Variants in MPZL1 observed in about 807,000 individuals in gnomAD.
MPZL1 encodes the protein myelin protein zero like 1.
MPZL1 carries 16 observed loss-of-function variants against 29.3 expected under a neutral mutation model. That is an observed-to-expected ratio of 0.55 (90% CI 0.37 to 0.83). The LOEUF (loss-of-function observed/expected upper bound fraction) is 0.83, where lower values mean the gene tolerates loss of function less well. Among genes scored for constraint, MPZL1 ranks in the 40% least tolerant of loss-of-function variants. The probability of loss-of-function intolerance (pLI) is 0.00; values close to 1 mark genes in which losing one functional copy is unlikely to be tolerated. For missense variants in MPZL1, 279 were observed against 332.9 expected (o/e 0.84, Z 1.26); for synonymous variants, 143 against 132.0 (o/e 1.08, Z -0.57).
rs11807657 is a variant in MPZL1, at chr1:167,790,182, C to G, written c.*2261C>G. The G allele has an allele frequency of 0.18, 27,710 of 152,358 alleles. 2,616 individuals carry two copies. The highest frequency in any genetic ancestry group is 0.22 in the Middle Eastern group (66 of 294). The allele number at this position is 152,358 out of a possible 1,614,324, so 9.4% of individuals were successfully genotyped here. On this transcript the variant is annotated 3_prime_UTR_variant, in exon 6 of 6. Coordinates refer to ENST00000359523, the MANE Select transcript of MPZL1 (RefSeq NM_003953.6). ...TCCCTGAGAGCAAGAGCCTTCACTT[C>G]TTCTTGCGGTGCCGGGACCATGTGT...
At chr1:167,737,727 A>G (rs1660404069) in intron 1 of MPZL1, among the ~76,000 whole-genome samples, 1 of 152,142 alleles carries the variant, frequency 6.6e-6, no homozygotes, top group Admixed American at 6.5e-5. Context: ...TAGTTACATT[A>G]CCTCTTCACT....
chr1:167,750,112 T>C (rs1660725444), intron 1 of MPZL1, among the ~76,000 whole-genome samples: 1 of 152,248 alleles, frequency 6.6e-6, no homozygotes, highest in South Asian at 2.1e-4. Flanking sequence ...ATATAATTTC[T>C]CATTTACAGA....
intron 1 of MPZL1, among the ~76,000 whole-genome samples, chr1:167,748,721 G>A (rs1451099201): frequency 6.6e-6 from 1 of 151,770 alleles, no homozygotes; most frequent in Admixed American, 6.6e-5. Flanking sequence ...TTACTCCTAT[G>A]TTTTTTTCTA....
rs565797598 is a variant in MPZL1, at chr1:167,744,536, T to C, written c.92-21047T>C. Among the ~76,000 whole-genome samples the C allele has an allele frequency of 2.0e-5, 3 of 151,802 alleles. No homozygotes were observed. In the East Asian group the frequency reaches 5.8e-4, roughly 29 times the overall value. ...CTGTCTCTACTAAAAATACAAAAAT[T>C]AGTGGGCCATGGTCGTGTGCGTCTA... On this transcript the variant is annotated intron_variant, in intron 1 of 5. Coordinates refer to ENST00000359523, the MANE Select transcript of MPZL1 (RefSeq NM_003953.6).
Position 167,791,314 on chromosome 1 carries a change from T to C in MPZL1, c.*3393T>C, listed in dbSNP as rs1661710500. ...ATGGATGAGTAGGTGGAAGCATTCA[T>C]CCATTCAGCAACCTACACTGAGAAC... On this transcript the variant is annotated 3_prime_UTR_variant, in exon 6 of 6. Coordinates refer to ENST00000359523, the MANE Select transcript of MPZL1 (RefSeq NM_003953.6). 6.6e-6 allele frequency: 1 copy of C among 152,208 alleles called. No homozygotes were observed. The highest frequency in any genetic ancestry group is 2.1e-4 in the South Asian group (1 of 4,822). 9.4% of individuals were successfully genotyped at this position (152,208 alleles called of 1,614,324 possible).
chr1:167,734,505 G>T (rs115652944), intron 1 of MPZL1, among the ~76,000 whole-genome samples: 1 of 152,042 alleles, frequency 6.6e-6, no homozygotes, highest in Admixed American at 6.6e-5. Flanking sequence ...CCAACTTGAC[G>T]TTCCCTCCAC....
intron 2 of MPZL1, among the ~76,000 whole-genome samples, chr1:167,769,050 G>A (rs1661186208): frequency 6.6e-6 from 1 of 152,208 alleles, no homozygotes; most frequent in Non-Finnish European, 1.5e-5. Flanking sequence ...TCAGAGCTGA[G>A]TTTGAATTCC....
At chr1:167,774,359 T>C (rs1460761978) in intron 4 of MPZL1, among the ~76,000 whole-genome samples, 1 of 152,180 alleles carries the variant, frequency 6.6e-6, no homozygotes, top group Non-Finnish European at 1.5e-5. Context: ...TGTGAAAGGA[T>C]TGCATGTCCT....
At chr1:167,783,624 G>T (rs1249994225) in intron 5 of MPZL1, among the ~76,000 whole-genome samples, 4 of 152,144 alleles carry the variant, frequency 2.6e-5, no homozygotes, top group African/African-American at 9.7e-5. Context: ...TTCTTCTGTT[G>T]TCTCTATTTT....
intron 1 of MPZL1, among the ~76,000 whole-genome samples, chr1:167,740,203 T>C (rs1205221740): frequency 6.6e-6 from 1 of 152,202 alleles, no homozygotes. Flanking sequence ...GAATTTCTAA[T>C]CTTAAAAACC....
rs1355723347 is a variant in MPZL1, at chr1:167,722,181, G to A, written c.30G>A (p.Val10=). The change falls in exon 1 of 6, where the codon GTG becomes GTA. Residue 10 remains valine (V), a synonymous_variant. Transcript: ENST00000359523. MAASAGAGA[V]IAAPDSRRWL... ...CAGCGTCCGCCGGAGCCGGGGCGGT[G>A]ATTGCAGCCCCAGACAGCCGGCGCT... The A allele has an allele frequency of 7.3e-6, 9 of 1,238,036 alleles. No homozygotes were observed. The highest frequency in any genetic ancestry group is 9.1e-6 in the Non-Finnish European group (9 of 988,372). The allele number at this position is 1,238,036 out of a possible 1,614,324, so 76.7% of individuals were successfully genotyped here. A position where few individuals can be genotyped will look rare whatever the true frequency, so the allele number is the denominator to read the frequency against.
At chr1:167,771,720 G>T (rs940459873) in intron 2 of MPZL1, among the ~76,000 whole-genome samples, 3 of 152,146 alleles carry the variant, frequency 2.0e-5, no homozygotes, top group Non-Finnish European at 4.4e-5. Flanking sequence ...TTCCTAGATG[G>T]GGTGGCAGCT....
intron 5 of MPZL1, among the ~76,000 whole-genome samples, chr1:167,776,610 T>C (rs1284538685): frequency 6.6e-6 from 1 of 152,214 alleles, no homozygotes; most frequent in Non-Finnish European, 1.5e-5. Flanking sequence ...GTGGATTCTT[T>C]AGAAAAAATG....
chr1:167,728,034 ATTTTTTT>A (rs35770520), intron 1 of MPZL1, among the ~76,000 whole-genome samples: 1 of 104,104 alleles, frequency 9.6e-6, no homozygotes, highest in Non-Finnish European at 2.0e-5. Context: ...CGCCCAACTA[ATTTTTTT>A]TTTTTTTTTT....
intron 1 of MPZL1, among the ~76,000 whole-genome samples, chr1:167,754,353 G>C (rs1392420040): frequency 2.0e-5 from 3 of 152,158 alleles, no homozygotes; most frequent in African/African-American, 7.2e-5. Flanking sequence ...TGTTTCCAAA[G>C]TACATTTTAA....
chr1:167,723,935 ACTGAGCAC>A (rs1168559403), intron 1 of MPZL1, among the ~76,000 whole-genome samples: 2 of 152,200 alleles, frequency 1.3e-5, no homozygotes, highest in Admixed American at 6.5e-5. Context: ...GCAAACATTC[ACTGAGCAC>A]CTTTTAAGTG....
chr1:167,739,792 C>T (rs144941838), intron 1 of MPZL1, among the ~76,000 whole-genome samples: 1 of 152,296 alleles, frequency 6.6e-6, no homozygotes, highest in African/African-American at 2.4e-5. Flanking sequence ...TACTTTGGCT[C>T]TCTTTCCTTA....
chr1:167,742,439 T>TA (rs1315351895), intron 1 of MPZL1, among the ~76,000 whole-genome samples: 1 of 152,106 alleles, frequency 6.6e-6, no homozygotes, highest in Non-Finnish European at 1.5e-5. Flanking sequence ...ATAAAAAAGA[T>TA]ACTTGCCAAC....
intron 1 of MPZL1, among the ~76,000 whole-genome samples, chr1:167,743,336 A>T (rs1571143597): frequency 1.3e-5 from 2 of 151,586 alleles, no homozygotes; most frequent in African/African-American, 4.8e-5. Context: ...TCAGCCTCCC[A>T]AGTAGCTGGG....
Sources: allele counts gnomAD v4.1 joint callset (sites outside exome capture counted in the v4.1 genomes callset), GRCh38; gene constraint gnomAD v4.1.1; transcripts MANE v1.5; gene names NCBI Gene and HGNC (gene_info 2026-07-23, HGNC 2026-07-21).